The following CNIH3 variants were observed in gnomAD, a reference collection of about 807,000 sequenced individuals.
CNIH3 encodes the protein protein cornichon homolog 3.
CNIH3 carries 14 observed loss-of-function variants against 24.1 expected under a neutral mutation model. That is an observed-to-expected ratio of 0.58 (90% confidence interval 0.38 to 0.91). CNIH3 has a LOEUF of 0.91. Ranked by LOEUF, CNIH3 falls within the 40% of genes least tolerant of loss-of-function variation. The probability of loss-of-function intolerance (pLI) is 0.00; values close to 1 mark genes in which losing one functional copy is unlikely to be tolerated. For missense variants in CNIH3, 178 were observed against 196.8 expected, an observed-to-expected ratio of 0.90 and a Z score of 0.57; for synonymous variants, 68 against 73.8, an observed-to-expected ratio of 0.92 and a Z score of 0.40.
chr1:224,719,607 T>A (rs1019572121), intron 3 of CNIH3, among the ~76,000 whole-genome samples: 3 of 152,224 alleles, frequency 2.0e-5, no homozygotes, highest in African/African-American at 7.2e-5. Flanking sequence ...TTCACAGATA[T>A]TAACTCATTT....
rs145632808 is a variant in CNIH3, at chr1:224,584,951, C to T, written n.620+1684C>T. ...ATCAGCTTCTAAAGAACCCCTCAAACGTGCTGACTTACTCAATAATCTGTT... is the reference window on the plus strand; with the variant it reads ...ATCAGCTTCTAAAGAACCCCTCAAATGTGCTGACTTACTCAATAATCTGTT... On this transcript the variant is annotated intron_variant and non_coding_transcript_variant, in intron 5 of 5. Coordinates refer to the CNIH3 transcript ENST00000471578. 3.1e-3 allele frequency among the ~76,000 whole-genome samples: 466 copies of T among 152,300 alleles called. 1 individual carries two copies. Among genetic ancestry groups the T allele is most frequent in the African/African-American group, 0.011 (439 of 41,570 alleles).
chr1:224,491,628 CAG>C (rs1677240692), intron 1 of CNIH3, among the ~76,000 whole-genome samples: 1 of 151,526 alleles, frequency 6.6e-6, no homozygotes, highest in Non-Finnish European at 1.5e-5. Context: ...TTTTTTGAGA[CAG>C]AGTCTCACTC....
chr1:224,584,715 T>C (rs1439803434), intron 5 of CNIH3, among the ~76,000 whole-genome samples: 1 of 139,302 alleles, frequency 7.2e-6, no homozygotes, highest in African/African-American at 2.8e-5. Flanking sequence ...AAATGAAGCA[T>C]TTCTTGGTTG....
At chr1:224,585,699 G>T in intron 5 of CNIH3, among the ~76,000 whole-genome samples, 1 of 91,440 alleles carries the variant, frequency 1.1e-5, no homozygotes. Flanking sequence ...TGCCCAGGCT[G>T]GTTTTGAACT....
intron 3 of CNIH3, among the ~76,000 whole-genome samples, chr1:224,716,853 CTG>C (rs1251213709): frequency 6.6e-6 from 1 of 152,272 alleles, no homozygotes; most frequent in Admixed American, 6.5e-5. Context: ...ACGGGAAGTG[CTG>C]TCTTCTGGCA....
intron 4 of CNIH3, among the ~76,000 whole-genome samples, chr1:224,734,111 G>T (rs536729410): frequency 2.0e-5 from 3 of 152,236 alleles, no homozygotes; most frequent in Non-Finnish European, 4.4e-5. Context: ...CCTGTAAACT[G>T]CTCTGCGCTC....
chr1:224,710,141 G>A (rs1259637622), intron 3 of CNIH3, among the ~76,000 whole-genome samples: 1 of 152,330 alleles, frequency 6.6e-6, no homozygotes, highest in African/African-American at 2.4e-5. Flanking sequence ...ATAGTAGAAA[G>A]TGAGACTACC....
At chr1:224,467,613 G>A (rs759994802) in intron 1 of CNIH3, among the ~76,000 whole-genome samples, 1 of 151,818 alleles carries the variant, frequency 6.6e-6, no homozygotes, top group Non-Finnish European at 1.5e-5. Flanking sequence ...TAGTAGAGAC[G>A]GGGTTTCACC....
At chr1:224,526,626 T>C (rs1054707660) in intron 2 of CNIH3, among the ~76,000 whole-genome samples, 5 of 152,194 alleles carry the variant, frequency 3.3e-5, no homozygotes, top group Admixed American at 2.6e-4. Context: ...ATTATCTCCA[T>C]TGAGAAATAA....
At chr1:224,434,885 G>A in intron 1 of CNIH3, 1 of 985,530 alleles carries the variant, frequency 1.0e-6, no homozygotes. Context: ...TAGGGGGCCT[G>A]TCACCCAGCA....
At chr1:224,652,526 G>A (rs1007046471) in intron 1 of CNIH3, among the ~76,000 whole-genome samples, 2 of 152,170 alleles carry the variant, frequency 1.3e-5, no homozygotes, top group African/African-American at 4.8e-5. Flanking sequence ...AAGGAAGTGA[G>A]GGAAGAAGAA....
chr1:224,573,236 T>G (rs1358071468), intron 4 of CNIH3, among the ~76,000 whole-genome samples: 2 of 152,218 alleles, frequency 1.3e-5, no homozygotes, highest in Non-Finnish European at 2.9e-5. Flanking sequence ...TTGTTGATTT[T>G]CTTTATTGTT....
At chr1:224,601,485 C>T (rs1206760447) in intron 3 of CNIH3, among the ~76,000 whole-genome samples, 1 of 152,172 alleles carries the variant, frequency 6.6e-6, no homozygotes, top group Non-Finnish European at 1.5e-5. Context: ...CAGGTCTTTT[C>T]TATCTATTGG....
chr1:224,583,670 C>T (rs185280583), intron 5 of CNIH3, among the ~76,000 whole-genome samples: 18 of 152,284 alleles, frequency 1.2e-4, no homozygotes, highest in Admixed American at 3.9e-4. Context: ...AATGCTGGGG[C>T]TCCTACCATT....
chr1:224,452,610 T>C lies in CNIH3; in HGVS notation n.203+17748T>C, dbSNP rs180883419. The stretch of plus-strand genomic sequence containing the variant: ...TCCTGGCTAACACGGTGAAACCCCG[T>C]CTCTACTAAAAATACAAAAACATTA... On this transcript the variant is annotated intron_variant and non_coding_transcript_variant, in intron 1 of 5. Coordinates refer to the CNIH3 transcript ENST00000471578. Among the ~76,000 whole-genome samples the C allele has an allele frequency of 1.4e-3, 203 of 150,230 alleles. 1 individual carries two copies. The Middle Eastern group carries it at 0.014, about 11-fold the overall frequency.
At chr1:224,611,839 G>A (rs775050217), upstream of CNIH3, among the ~76,000 whole-genome samples, 4 of 152,056 alleles carry the variant, frequency 2.6e-5, no homozygotes, top group Admixed American at 1.3e-4. Flanking sequence ...AGGAATTACC[G>A]CCTCACCAAT....
chr1:224,463,453 G>A (rs972231014), intron 1 of CNIH3, among the ~76,000 whole-genome samples: 1 of 151,476 alleles, frequency 6.6e-6, no homozygotes, highest in Non-Finnish European at 1.5e-5. Context: ...TTGTTGCCTA[G>A]GCTGGAGTGC....
At chr1:224,661,436 C>T (rs558988624) in intron 1 of CNIH3, 1 of 237,594 alleles carries the variant, frequency 4.2e-6, no homozygotes, top group South Asian at 5.6e-5. Context: ...AGAAAATCCA[C>T]TTCCAAGGTA....
chr1:224,686,716 T>G (rs1305113498), intron 3 of CNIH3, among the ~76,000 whole-genome samples: 1 of 152,226 alleles, frequency 6.6e-6, no homozygotes, highest in East Asian at 1.9e-4. Flanking sequence ...CCATCACCTT[T>G]TATCCTTGCT....
Sources: gnomAD v4.1 joint callset for allele counts (sites outside exome capture counted in the v4.1 genomes callset) on GRCh38, gnomAD v4.1.1 for gene constraint, MANE v1.5 for transcripts, NCBI Gene and HGNC (gene_info 2026-07-23, HGNC 2026-07-21) for gene names.